The following SAMD4B variants were observed in gnomAD, a reference collection of about 807,000 sequenced individuals.
The protein encoded by SAMD4B is sterile alpha motif domain containing 4B, also known as protein Smaug homolog 2.
In SAMD4B, 5 loss-of-function variants were observed where a neutral mutation model predicts 74.5. The ratio of observed to expected loss-of-function variants is 0.07; its 90% CI spans 0.04 to 0.14. The LOEUF (loss-of-function observed/expected upper bound fraction) is 0.14. Ranked by LOEUF, SAMD4B falls within the 10% of genes least tolerant of loss-of-function variation. The probability of loss-of-function intolerance (pLI) is 1.00; values close to 1 mark genes in which losing one functional copy is unlikely to be tolerated. For synonymous variants in SAMD4B, 373 were observed against 374.9 expected, an observed-to-expected ratio of 1.00 and a Z score of 0.06; for missense variants, 608 against 921.8, an observed-to-expected ratio of 0.66 and a Z score of 4.41.
chr19:39,381,682 C>T (rs1345485543), intron 12 of SAMD4B, among the ~76,000 whole-genome samples: 1 of 152,186 alleles, frequency 6.6e-6, no homozygotes, highest in Non-Finnish European at 1.5e-5. Flanking sequence ...GTAACTCACA[C>T]CTGTAATTTC....
downstream of SAMD4B, chr19:39,389,695 G>C: frequency 1.2e-6 from 2 of 1,614,150 alleles, no homozygotes; most frequent in Non-Finnish European, 1.7e-6. This position sits in a 1 kb window ranked among gnomAD's most constrained non-coding sequence, Gnocchi z 5.3. Flanking sequence ...TGACCCCCAG[G>C]TCTGGCTCAG....
Position 39,377,469 on chromosome 19 carries a change from G to T in SAMD4B, c.1105-16G>T, listed in dbSNP as rs370245580. 6.5e-7 allele frequency: 1 copy of T among 1,545,916 alleles called. No homozygotes were observed. Among genetic ancestry groups the T allele is most frequent in the Non-Finnish European group, 8.8e-7 (1 of 1,140,088 alleles). ...TAGGGTCTGCATGTGACCCCAGCCT[G>T]TGTCCTCCCATCCAGGATGTGCTGG... is the stretch of plus-strand genomic sequence containing the variant. On this transcript the variant is annotated splice_polypyrimidine_tract_variant and intron_variant, in intron 7 of 13. Transcript: ENST00000610417.
chr19:39,389,506 C>G (rs200763809), downstream of SAMD4B: 87 of 1,614,204 alleles, frequency 5.4e-5, no homozygotes, highest in African/African-American at 1.0e-3. The surrounding 1 kb of genome is among the most constrained non-coding windows in gnomAD (Gnocchi z 5.3). Context: ...GGGCCTGAAT[C>G]TCCTCTTCCA....
At chr19:39,355,551 G>T (rs901563608) in intron 2 of SAMD4B, among the ~76,000 whole-genome samples, 1 of 152,162 alleles carries the variant, frequency 6.6e-6, no homozygotes, top group Non-Finnish European at 1.5e-5. Flanking sequence ...GGCAGCCAGA[G>T]GGGGATGGAG....
At chr19:39,390,691 C>A, downstream of SAMD4B, 1 of 1,013,908 alleles carries the variant, frequency 9.9e-7, no homozygotes, top group South Asian at 1.5e-5. Flanking sequence ...TCAGAAGGAA[C>A]CCGCCCCCTT....
chr19:39,379,119 C>T (rs1159151031), intron 9 of SAMD4B, among the ~76,000 whole-genome samples: 1 of 151,698 alleles, frequency 6.6e-6, no homozygotes, highest in Non-Finnish European at 1.5e-5. Context: ...TTGAACTGAC[C>T]TCAAGTGATC....
intron 4 of SAMD4B, among the ~76,000 whole-genome samples, chr19:39,374,441 G>T (rs2077485742): frequency 6.6e-6 from 1 of 152,224 alleles, no homozygotes. Flanking sequence ...TAACAGGGTT[G>T]TTGAGGAAGC....
chr19:39,377,009 C>G (rs1454614122), intron 7 of SAMD4B, among the ~76,000 whole-genome samples: 1 of 152,186 alleles, frequency 6.6e-6, no homozygotes, highest in East Asian at 1.9e-4. Context: ...GTTTGTGGTT[C>G]CAGGATCTCT....
In SAMD4B at chr19:39,380,522, AGGAAGG is replaced by A. The variant is rs1051191886; in HGVS notation, c.1650-62_1650-57del. The A allele has an allele frequency of 3.2e-6, 5 of 1,544,488 alleles. No individual in the cohort carries two copies. In the Admixed American group the frequency reaches 8.4e-5, roughly 26 times the overall value. On this transcript the variant is annotated intron_variant, in intron 10 of 13. Transcript: ENST00000610417. The stretch of plus-strand genomic sequence containing the variant: ...CAACTTGGGGTTGTTGGGGAAGGTG[AGGAAGG>A]GGTGGACAGATAGGCCCCATCTATG...
chr19:39,389,950 C>T (rs933716730), downstream of SAMD4B: 38 of 1,043,304 alleles, frequency 3.6e-5, no homozygotes, highest in South Asian at 1.6e-4. The surrounding 1 kb of genome is among the most constrained non-coding windows in gnomAD (Gnocchi z 5.3). Flanking sequence ...TGAGCAGCTA[C>T]TACTATGTGC....
At chr19:39,354,377 AT>A (rs552030951) in intron 2 of SAMD4B, among the ~76,000 whole-genome samples, 2 of 151,552 alleles carry the variant, frequency 1.3e-5, no homozygotes, top group Non-Finnish European at 2.9e-5. Context: ...AGTGCCTTCA[AT>A]TTTTTTTTCT....
chr19:39,375,154 A>G lies in SAMD4B; in HGVS notation c.668-496A>G, dbSNP rs1023423440. 3.9e-5 allele frequency among the ~76,000 whole-genome samples: 6 copies of G among 152,222 alleles called. No individual in the cohort carries two copies. The highest frequency in any genetic ancestry group is 8.8e-5 in the Non-Finnish European group (6 of 68,038). On this transcript the variant is annotated intron_variant, in intron 4 of 13. Transcript: ENST00000610417. The surrounding 1 kb of genome is among the most constrained non-coding windows in gnomAD (Gnocchi z 4.1). ...GGGAGGAGGCAAAGGCTAGAGAGGCATGAACCAAGTGGTGGGTTGTGGGAG... is the reference window on the plus strand; with the variant it reads ...GGGAGGAGGCAAAGGCTAGAGAGGCGTGAACCAAGTGGTGGGTTGTGGGAG...
At position 39,342,518 on chromosome 19, in the gene SAMD4B, G is replaced by T. The variant is rs1478135499; in HGVS notation, c.-325G>T. ...GCTTGCGGGCCCGAGAGGGGGCGAC[G>T]GCGGCGGCGGTGGCCTGAGGAGGCC... On this transcript the variant is annotated 5_prime_UTR_variant, in exon 1 of 14. Transcript: ENST00000610417. 5 of 171,832 alleles carry T rather than the reference G, an allele frequency of 2.9e-5. No individual in the cohort carries two copies. Among genetic ancestry groups the T allele is most frequent in the Non-Finnish European group, 6.0e-5 (5 of 83,388 alleles). The allele number at this position is 171,832 out of a possible 1,614,324, so 10.6% of individuals were successfully genotyped here.
At position 39,380,691 on chromosome 19, in the gene SAMD4B, C is replaced by T. The variant is rs1353646757; in HGVS notation, c.1754C>T (p.Pro585Leu). 1 of 1,613,120 alleles carries T rather than the reference C, an allele frequency of 6.2e-7. No individual in the cohort carries two copies. The highest frequency in any genetic ancestry group is 1.7e-5 in the Admixed American group (1 of 59,962). Residue 585 changes from proline (P) to leucine (L), a missense_variant, in exon 11 of 14, where the codon CCC (proline) becomes CTC (leucine). Coordinates refer to ENST00000610417, the MANE Select transcript of SAMD4B (RefSeq NM_001384574.2). ...CCAATGCCTCCCCGGGCCCTCCCAC[C>T]CGGCCGGATGGGCCTCCTGAGCCCC... is the stretch of plus-strand genomic sequence containing the variant. Reference protein sequence around the residue: ...QFPMPPRALPPGRMGLLSPSG... With the variant: ...QFPMPPRALPLGRMGLLSPSG...
Position 39,358,186 on chromosome 19 carries a change from G to A in SAMD4B, c.196+1097G>A, listed in dbSNP as rs956976879. On this transcript the variant is annotated intron_variant, in intron 3 of 13. Coordinates refer to ENST00000610417, the MANE Select transcript of SAMD4B (RefSeq NM_001384574.2). ...CTCGGGAGGCTGAGGCAAGAGAATCGCTTGAACCCGGGAGGCGGAGGTTGC... is the reference window on the plus strand; with the variant it reads ...CTCGGGAGGCTGAGGCAAGAGAATCACTTGAACCCGGGAGGCGGAGGTTGC... Among the ~76,000 whole-genome samples, 4 of 152,166 alleles carry A rather than the reference G, an allele frequency of 2.6e-5. No homozygotes were observed. In the South Asian group the frequency reaches 8.3e-4, roughly 32 times the overall value.
Position 39,378,368 on chromosome 19 carries a change from A to T in SAMD4B, c.1445-136A>T. 1.5e-6 allele frequency: 1 copy of T among 687,200 alleles called. No individual in the cohort carries two copies. Among genetic ancestry groups the T allele is most frequent in the Non-Finnish European group, 2.6e-6 (1 of 391,504 alleles). 42.6% of individuals were successfully genotyped at this position (687,200 alleles called of 1,614,324 possible). On this transcript the variant is annotated intron_variant, in intron 8 of 13. Transcript: ENST00000610417. The surrounding 1 kb of genome is among the most constrained non-coding windows in gnomAD (Gnocchi z 4.4). ...ATATCCTCATGATAACCCAAATACC[A>T]TGGCTAGCACTTAATAGTTGATATT...
chr19:39,352,489 GAAAAAAAAA>G (rs36045915), intron 1 of SAMD4B: 2 of 117,488 alleles, frequency 1.7e-5, no homozygotes, highest in African/African-American at 5.9e-5. Flanking sequence ...CTCTTTAGGG[GAAAAAAAAA>G]AAAAAAAAAA....
chr19:39,389,994 A>G, downstream of SAMD4B: 1 of 1,251,096 alleles, frequency 8.0e-7, no homozygotes, highest in Non-Finnish European at 1.2e-6. This position sits in a 1 kb window ranked among gnomAD's most constrained non-coding sequence, Gnocchi z 5.3. Flanking sequence ...CTGAGCAGAC[A>G]GCAGCCAACG....
At chr19:39,389,347 T>C, downstream of SAMD4B, 1 of 1,614,178 alleles carries the variant, frequency 6.2e-7, no homozygotes, top group South Asian at 1.1e-5. The surrounding 1 kb of genome is among the most constrained non-coding windows in gnomAD (Gnocchi z 5.3). Flanking sequence ...ACTCTGTCTT[T>C]CGCATCCATG....
Sources: allele counts gnomAD v4.1 joint callset (sites outside exome capture counted in the v4.1 genomes callset), GRCh38; gene constraint gnomAD v4.1.1; non-coding constraint Gnocchi (gnomAD v3.1); transcripts MANE v1.5; gene names NCBI Gene and HGNC (gene_info 2026-07-23, HGNC 2026-07-21).